Variants in MAP3K21 observed in about 807,000 individuals in gnomAD.
MAP3K21 encodes mitogen-activated protein kinase kinase kinase 21, also known as mitogen-activated protein kinase kinase kinase MLK4.
Under a neutral mutation model 86.1 loss-of-function variants are expected in MAP3K21, and 63 were observed. That is an observed-to-expected ratio of 0.73 (90% CI 0.60 to 0.90). MAP3K21 has a LOEUF of 0.90. Ranked by LOEUF, MAP3K21 falls within the 40% of genes least tolerant of loss-of-function variation. The pLI is 0.00. For synonymous variants in MAP3K21, 558 were observed against 564.8 expected (o/e 0.99, Z 0.17); for missense variants, 1,220 against 1,367.7 (o/e 0.89, Z 1.70).
intron 5 of MAP3K21, among the ~76,000 whole-genome samples, chr1:233,367,887 T>C (rs1299515880): frequency 6.6e-6 from 1 of 151,858 alleles, no homozygotes; most frequent in Non-Finnish European, 1.5e-5. Flanking sequence ...AATGTTTTCT[T>C]TCTGTTTACA....
chr1:233,379,239 G>T lies in MAP3K21; in HGVS notation c.2233G>T (p.Ala745Ser). Residue 745 changes from alanine to serine, a missense_variant, in exon 9 of 10, where the codon GCA (alanine) becomes TCA (serine). Coordinates refer to ENST00000366624, the MANE Select transcript of MAP3K21 (RefSeq NM_032435.3). ...LGLDLRELHK[A>S]QAAEEPLPKE... ...ACTGGACCTCAGAGAGCTTCATAAAGCACAGGCTGCTGAAGAACCGTTGCC... is the reference window on the plus strand; with the variant it reads ...ACTGGACCTCAGAGAGCTTCATAAATCACAGGCTGCTGAAGAACCGTTGCC... 1 of 1,614,210 alleles carries T rather than the reference G, an allele frequency of 6.2e-7. No homozygotes were observed. Among genetic ancestry groups the T allele is most frequent in the Non-Finnish European group, 8.5e-7 (1 of 1,180,036 alleles).
rs547245967 is a variant in MAP3K21 at position 233,384,582 on chromosome 1, C to T, written c.*1871C>T. 6.6e-6 allele frequency: 1 copy of T among 152,162 alleles called. No individual in the cohort carries two copies. The highest frequency in any genetic ancestry group is 6.5e-5 in the Admixed American group (1 of 15,276). 9.4% of individuals were successfully genotyped at this position (152,162 alleles called of 1,614,324 possible). A position where few individuals can be genotyped will look rare whatever the true frequency, so the allele number is the denominator to read the frequency against. The stretch of plus-strand genomic sequence containing the variant: ...AGCTTAAGGGTAGAGAAATATATAC[C>T]TAAAATCATCAATACATGAAAGAAA... On this transcript the variant is annotated 3_prime_UTR_variant, in exon 10 of 10. Transcript: ENST00000366624.
At chr1:233,378,199 T>G (rs956014819) in intron 8 of MAP3K21, among the ~76,000 whole-genome samples, 4 of 152,182 alleles carry the variant, frequency 2.6e-5, no homozygotes, top group Admixed American at 1.3e-4. Flanking sequence ...GAAATCAGAT[T>G]AATGAGTTTG....
chr1:233,372,091 A>G lies in MAP3K21; in HGVS notation c.1606A>G (p.Ser536Gly). Residue 536 changes from serine to glycine, a missense_variant, in exon 6 of 10, where the codon AGC becomes GGC. Ser to Gly is a moderately conservative substitution (Grantham distance 56, BLOSUM62 0). This residue lies in a region of MAP3K21 where 632 missense variants were observed against 691.3 expected (regional missense o/e 0.91). Coordinates refer to ENST00000366624, the MANE Select transcript of MAP3K21 (RefSeq NM_032435.3). ...QASPNLDKRR[S>G]LNSSSSSPPS... ...CTCTCCCAACTTGGACAAACGGCGG[A>G]GCCTGAACAGCAGCAGTTCCAGTCC... The G allele has an allele frequency of 1.2e-6, 2 of 1,614,156 alleles. No individual in the cohort carries two copies. Among genetic ancestry groups the G allele is most frequent in the African/African-American group, 1.3e-5 (1 of 75,040 alleles).
chr1:233,359,861 T>A (rs1426091570), intron 4 of MAP3K21, among the ~76,000 whole-genome samples: 1 of 152,232 alleles, frequency 6.6e-6, no homozygotes, highest in Non-Finnish European at 1.5e-5. Context: ...GTTTTAAAAT[T>A]TACTTTTGAA....
At chr1:233,376,160 AAATT>A (rs1298422528) in intron 7 of MAP3K21, 94 bp downstream of exon 7, 47 of 1,051,342 alleles carry the variant, frequency 4.5e-5, no homozygotes, top group Non-Finnish European at 3.9e-5. Flanking sequence ...AAAAGCAAGT[AAATT>A]AATAGAGAGA....
chr1:233,374,439 G>T (rs1375979695), intron 6 of MAP3K21, among the ~76,000 whole-genome samples: 1 of 152,180 alleles, frequency 6.6e-6, no homozygotes, highest in Non-Finnish European at 1.5e-5. Context: ...CTCCTGAAGT[G>T]CTGGGATTAC....
rs115917591 is a variant in MAP3K21, at chr1:233,382,218, T to C, written c.2705-87T>C. The C allele has an allele frequency of 3.3e-3, 3,762 of 1,156,244 alleles. 62 individuals carry two copies. The African/African-American group carries it at 0.043, about 13-fold the overall frequency. The allele number at this position is 1,156,244 out of a possible 1,614,324, so 71.6% of individuals were successfully genotyped here. A position where few individuals can be genotyped will look rare whatever the true frequency, so the allele number is the denominator to read the frequency against. On this transcript the variant is annotated intron_variant, in intron 9 of 9. Transcript: ENST00000366624. ...ATTTTAAAGCTATCACTTTGTTGAATTGCCATCATAATTATTTTTCTTGAT... is the reference window on the plus strand; with the variant it reads ...ATTTTAAAGCTATCACTTTGTTGAACTGCCATCATAATTATTTTTCTTGAT...
chr1:233,349,713 C>T (rs1663212914), intron 2 of MAP3K21, among the ~76,000 whole-genome samples: 1 of 152,062 alleles, frequency 6.6e-6, no homozygotes, highest in Admixed American at 6.6e-5. Context: ...CCGAGGTGGG[C>T]AGATCACAAG....
rs753809848 is a variant in MAP3K21, at chr1:233,382,748, G to A, written c.*37G>A. 6 of 1,565,568 alleles carry A rather than the reference G, an allele frequency of 3.8e-6. No homozygotes were observed. The highest frequency in any genetic ancestry group is 5.2e-6 in the Non-Finnish European group (6 of 1,143,510). On this transcript the variant is annotated 3_prime_UTR_variant, in exon 10 of 10. Coordinates refer to ENST00000366624, the MANE Select transcript of MAP3K21 (RefSeq NM_032435.3). ...TACTGTTGTTTAAGCATTTTTTTAA[G>A]GTGAACAAATGAACACAATGTATCT...
chr1:233,353,811 G>A lies in MAP3K21; in HGVS notation c.991G>A (p.Gly331Arg). 1 of 1,583,588 alleles carries A rather than the reference G, an allele frequency of 6.3e-7. No individual in the cohort carries two copies. Among genetic ancestry groups the A allele is most frequent in the Non-Finnish European group, 8.6e-7 (1 of 1,168,044 alleles). The change falls in exon 3 of 10, where the codon GGA becomes AGA. Residue 331 changes from glycine (G) to arginine (R), a missense_variant. Physicochemically the swap from Gly to Arg is moderately radical, Grantham distance 125. This residue lies in a region of MAP3K21 where 89 missense variants were observed against 144.8 expected (regional missense o/e 0.61). Coordinates refer to ENST00000366624, the MANE Select transcript of MAP3K21 (RefSeq NM_032435.3). ...FSKGSDIWSY[G>R]VLLWELLTGE... is the part of the protein sequence containing the mutation. ...TATGAAATCCTTGCTTTCTAGCTAT[G>A]GAGTGCTGCTGTGGGAACTGCTCAC...
At chr1:233,365,846 AC>A (rs1663563812) in intron 5 of MAP3K21, among the ~76,000 whole-genome samples, 2 of 152,216 alleles carry the variant, frequency 1.3e-5, no homozygotes, top group Admixed American at 6.5e-5. Flanking sequence ...CCAGGTGTTT[AC>A]TCAAAGGAAA....
At chr1:233,339,890 A>G (rs888963105) in intron 1 of MAP3K21, among the ~76,000 whole-genome samples, 17 of 152,202 alleles carry the variant, frequency 1.1e-4, no homozygotes, top group African/African-American at 4.1e-4. Context: ...GAAAAAGCTT[A>G]TAATAATTCA....
intron 5 of MAP3K21, among the ~76,000 whole-genome samples, chr1:233,367,853 C>A (rs1158526105): frequency 1.6e-5 from 2 of 128,170 alleles, no homozygotes; most frequent in Admixed American, 1.6e-4. Flanking sequence ...GAGCAAGACT[C>A]CGTCTCAAAA....
intron 4 of MAP3K21, among the ~76,000 whole-genome samples, chr1:233,356,423 A>T (rs1663357787): frequency 6.6e-6 from 1 of 152,184 alleles, no homozygotes; most frequent in South Asian, 2.1e-4. Context: ...CTATTTTAAT[A>T]ATTGAGATAG....
At chr1:233,381,418 A>G (rs1357803641) in intron 9 of MAP3K21, among the ~76,000 whole-genome samples, 1 of 152,242 alleles carries the variant, frequency 6.6e-6, no homozygotes, top group African/African-American at 2.4e-5. Flanking sequence ...CAATAACCTT[A>G]TATACCTGTC....
chr1:233,374,052 T>C (rs1400367066), intron 6 of MAP3K21: 1 of 152,244 alleles, frequency 6.6e-6, no homozygotes, highest in African/African-American at 2.4e-5. Flanking sequence ...TTTCCGGTTC[T>C]GCTGCCCTCA....
In MAP3K21 at chr1:233,354,756, T is replaced by C. The variant is rs577322074; in HGVS notation, c.1136-80T>C. 33 of 1,185,288 alleles carry C rather than the reference T, an allele frequency of 2.8e-5. No homozygotes were observed. The Admixed American group carries it at 5.2e-4, about 19-fold the overall frequency. 73.4% of individuals were successfully genotyped at this position (1,185,288 alleles called of 1,614,324 possible). A position where few individuals can be genotyped will look rare whatever the true frequency, so the allele number is the denominator to read the frequency against. On this transcript the variant is annotated intron_variant, in intron 3 of 9. Coordinates refer to ENST00000366624, the MANE Select transcript of MAP3K21 (RefSeq NM_032435.3). ...TGGAATGACAAATGTTAAGTTGAAA[T>C]ACACTTCAGTGTAAAACATTTCTTA...
rs1020196926 is a variant in MAP3K21, at chr1:233,375,986, A to G, written c.1746A>G (p.Val582=). 1.2e-6 allele frequency: 2 copies of G among 1,608,206 alleles called. No individual in the cohort carries two copies. The highest frequency in any genetic ancestry group is 1.1e-5 in the South Asian group (1 of 89,238). ...TVFRQEEFED[V]KRNFKKKGCT... is the part of the protein sequence containing the mutation. ...TTCGACAAGAAGAATTTGAGGATGT[A>G]AAAAGGAATTTTAAGAAAAAAGGTT... The change falls in exon 7 of 10, where the codon GTA becomes GTG. Residue 582 remains valine, a synonymous_variant. Transcript: ENST00000366624.
Sources: allele counts gnomAD v4.1 joint callset (sites outside exome capture counted in the v4.1 genomes callset), GRCh38; gene constraint gnomAD v4.1.1; regional missense constraint gnomAD v4.1.1; transcripts MANE v1.5; gene names NCBI Gene and HGNC (gene_info 2026-07-23, HGNC 2026-07-21).